The following CACNA1C variants were observed in gnomAD, a reference collection of about 807,000 sequenced individuals.
CACNA1C encodes the protein voltage-dependent L-type calcium channel subunit alpha-1C.
In CACNA1C, 30 loss-of-function variants were observed where a neutral mutation model predicts 229.0. The ratio of observed to expected loss-of-function variants is 0.13; its 90% CI spans 0.10 to 0.18. The LOEUF is 0.18. CACNA1C is among the 10% of genes least tolerant of loss of function. The pLI is 1.00. For missense variants in CACNA1C, 1,658 were observed against 2,845.0 expected (o/e 0.58, Z 9.49); for synonymous variants, 1,114 against 1,132.5 (o/e 0.98, Z 0.33).
At chr12:2,500,793 T>A (rs543550913) in intron 7 of CACNA1C, among the ~76,000 whole-genome samples, 15 of 152,246 alleles carry the variant, frequency 9.9e-5, no homozygotes, top group Middle Eastern at 3.4e-3. Flanking sequence ...CTGCACGCGC[T>A]TCAGGGTGCC....
intron 21 of CACNA1C, among the ~76,000 whole-genome samples, chr12:2,599,384 G>C (rs1292787270): frequency 1.3e-5 from 2 of 152,218 alleles, no homozygotes; most frequent in East Asian, 3.8e-4. Flanking sequence ...AACAGTGGAA[G>C]GGCCTGGAAA....
At chr12:2,267,102 G>C (rs1419558369) in intron 3 of CACNA1C, among the ~76,000 whole-genome samples, 2 of 152,168 alleles carry the variant, frequency 1.3e-5, no homozygotes, top group Non-Finnish European at 2.9e-5. Context: ...CTCTGTGAGA[G>C]CAGGGGTTCT....
At chr12:2,396,029 G>T (rs1358877366) in intron 3 of CACNA1C, among the ~76,000 whole-genome samples, 7 of 152,140 alleles carry the variant, frequency 4.6e-5, no homozygotes, top group Non-Finnish European at 1.0e-4. Flanking sequence ...CGTCCCCATG[G>T]TCTGCACTCC....
chr12:2,663,903 G>A (rs1043569938), intron 34 of CACNA1C, among the ~76,000 whole-genome samples: 5 of 152,092 alleles, frequency 3.3e-5, no homozygotes, highest in East Asian at 3.9e-4. Context: ...CACCGCGCCC[G>A]GCTAATTTTT....
intron 11 of CACNA1C, among the ~76,000 whole-genome samples, chr12:2,561,081 G>C (rs1252099819): frequency 6.6e-6 from 1 of 152,174 alleles, no homozygotes; most frequent in Non-Finnish European, 1.5e-5. Flanking sequence ...CATTTGCGTA[G>C]AGTTCGTCTC....
In CACNA1C at chr12:2,092,195, C is replaced by G. The variant is rs182402342; in HGVS notation, c.50-23029C>G. ...AGCAGGAATGAAGGGCGCGAAGGCA[C>G]TGCTTTATTGCCCGCCTCCTTCCCC... On this transcript the variant is annotated intron_variant, in intron 1 of 46. Transcript: ENST00000399655. Among the ~76,000 whole-genome samples, 524 of 152,320 alleles carry G rather than the reference C, an allele frequency of 3.4e-3. 3 individuals carry two copies. The highest frequency in any genetic ancestry group is 0.012 in the African/African-American group (488 of 41,572).
intron 3 of CACNA1C, among the ~76,000 whole-genome samples, chr12:2,298,318 T>C (rs576314063): frequency 1.3e-5 from 2 of 152,110 alleles, no homozygotes; most frequent in South Asian, 2.1e-4. Context: ...TCTTTTTTTT[T>C]AGACAGAGTC....
chr12:2,158,433 G>A lies in CACNA1C; in HGVS notation c.477+38003G>A, dbSNP rs77364698. Among the ~76,000 whole-genome samples, 386 of 152,242 alleles carry A rather than the reference G, an allele frequency of 2.5e-3. 1 individual carries two copies. Among genetic ancestry groups the A allele is most frequent in the African/African-American group, 8.6e-3 (359 of 41,540 alleles). ...TTTACCAAAGATACAAAAAATTAGCGAGGCTTGGTGGTACGTGCCTGTAGT... is the reference window on the plus strand; with the variant it reads ...TTTACCAAAGATACAAAAAATTAGCAAGGCTTGGTGGTACGTGCCTGTAGT... On this transcript the variant is annotated intron_variant, in intron 3 of 46. Coordinates refer to ENST00000399655, the MANE Select transcript of CACNA1C (RefSeq NM_000719.7).
chr12:2,500,023 A>G (rs1440891040), intron 7 of CACNA1C, among the ~76,000 whole-genome samples: 2 of 149,732 alleles, frequency 1.3e-5, no homozygotes, highest in Non-Finnish European at 3.0e-5. Context: ...GACCAGAGCC[A>G]GGCAGGCCAG....
chr12:2,599,826 C>T (rs541571894), intron 21 of CACNA1C, among the ~76,000 whole-genome samples: 49 of 152,190 alleles, frequency 3.2e-4, no homozygotes, highest in Non-Finnish European at 6.2e-4. Flanking sequence ...ACGTTTTCCC[C>T]ATGTCCATTT....
intron 4 of CACNA1C, among the ~76,000 whole-genome samples, chr12:2,450,364 C>T (rs905821298): frequency 6.6e-6 from 1 of 151,618 alleles, no homozygotes; most frequent in Non-Finnish European, 1.5e-5. Context: ...ACCATCCTGG[C>T]TAACACGGTG....
chr12:2,527,991 T>C (rs905397370), intron 9 of CACNA1C, among the ~76,000 whole-genome samples: 2 of 152,232 alleles, frequency 1.3e-5, no homozygotes, highest in African/African-American at 2.4e-5. Flanking sequence ...CCATGAATTA[T>C]AATTTCCATA....
At chr12:2,435,764 A>G (rs2099128459) in intron 3 of CACNA1C, among the ~76,000 whole-genome samples, 1 of 152,216 alleles carries the variant, frequency 6.6e-6, no homozygotes. Flanking sequence ...GCCCGGCACT[A>G]TACAATGCAC....
intron 1 of CACNA1C, among the ~76,000 whole-genome samples, chr12:2,035,759 C>T (rs1242507466): frequency 7.9e-5 from 12 of 152,228 alleles, no homozygotes; most frequent in Admixed American, 7.8e-4. Flanking sequence ...GGTACTTAAA[C>T]CATCTCAGAC....
intron 3 of CACNA1C, among the ~76,000 whole-genome samples, chr12:2,379,492 C>G (rs1358519981): frequency 6.6e-6 from 1 of 152,124 alleles, no homozygotes; most frequent in East Asian, 1.9e-4. Flanking sequence ...TAAAAGTGTA[C>G]AGGAATTGGA....
rs574925399 is a variant in CACNA1C at position 2,458,873 on chromosome 12, A to C, written c.757+1167A>C. ...TAACTAGCAATAGAGCCAAGACTAG[A>C]ATCATGTCTCCTGATTTCTAGACCA... On this transcript the variant is annotated intron_variant, in intron 5 of 46. Coordinates refer to ENST00000399655, the MANE Select transcript of CACNA1C (RefSeq NM_000719.7). Among the ~76,000 whole-genome samples the C allele has an allele frequency of 1.7e-4, 26 of 152,244 alleles. 1 individual carries two copies. The South Asian group carries it at 5.2e-3, about 30-fold the overall frequency.
chr12:2,057,327 G>A (rs1056253622), intron 1 of CACNA1C, among the ~76,000 whole-genome samples: 7 of 152,218 alleles, frequency 4.6e-5, no homozygotes, highest in African/African-American at 1.4e-4. Context: ...ATAAATGTCT[G>A]CGTGAATGAA....
At chr12:2,065,739 G>A (rs985652690) in intron 1 of CACNA1C, among the ~76,000 whole-genome samples, 14 of 152,182 alleles carry the variant, frequency 9.2e-5, no homozygotes, top group South Asian at 2.1e-4. Context: ...TGACTGAGCC[G>A]TCCCTTGAAG....
At chr12:2,313,332 C>T (rs2154487299) in intron 3 of CACNA1C, among the ~76,000 whole-genome samples, 1 of 152,300 alleles carries the variant, frequency 6.6e-6, no homozygotes, top group East Asian at 1.9e-4. Context: ...TCCCTAGCCT[C>T]CTTGCAGGTG....
Sources: gnomAD v4.1 joint callset for allele counts (sites outside exome capture counted in the v4.1 genomes callset) on GRCh38, gnomAD v4.1.1 for gene constraint, MANE v1.5 for transcripts, NCBI Gene and HGNC (gene_info 2026-07-23, HGNC 2026-07-21) for gene names.